SYT1: variants seen among roughly 807,000 people sequenced by gnomAD.
SYT1 encodes the protein synaptotagmin 1.
Under a neutral mutation model 44.8 loss-of-function variants are expected in SYT1, and 8 were observed. The ratio of observed to expected loss-of-function variants is 0.18; its 90% CI spans 0.10 to 0.32. The LOEUF is 0.32. SYT1 is among the 10% of genes least tolerant of loss of function. SYT1 has a pLI of 1.00. For synonymous variants in SYT1, 154 were observed against 188.8 expected, an observed-to-expected ratio of 0.82 and a Z score of 1.51; for missense variants, 286 against 509.3, an observed-to-expected ratio of 0.56 and a Z score of 4.22.
intron 9 of SYT1, among the ~76,000 whole-genome samples, chr12:79,405,537 A>G (rs967530012): frequency 6.6e-6 from 1 of 152,166 alleles, no homozygotes; most frequent in Non-Finnish European, 1.5e-5. Context: ...TTTGACAAAT[A>G]AACGTCTGAC....
At chr12:79,010,418 A>C (rs1871339959) in intron 2 of SYT1, among the ~76,000 whole-genome samples, 1 of 152,062 alleles carries the variant, frequency 6.6e-6, no homozygotes, top group Non-Finnish European at 1.5e-5. Context: ...ATGTTTCCTT[A>C]TGTGTTCACA....
intron 9 of SYT1, among the ~76,000 whole-genome samples, chr12:79,408,972 C>G (rs1565945608): frequency 6.6e-6 from 1 of 152,022 alleles, no homozygotes; most frequent in Non-Finnish European, 1.5e-5. Context: ...TCCTTTAAAA[C>G]TCAAGAAATG....
intron 8 of SYT1, among the ~76,000 whole-genome samples, chr12:79,317,196 C>T (rs2087812239): frequency 6.6e-6 from 1 of 152,144 alleles, no homozygotes; most frequent in South Asian, 2.1e-4. Context: ...GTGAACATCT[C>T]AGTATCTTTG....
At chr12:79,113,474 A>G (rs1879121252) in intron 3 of SYT1, among the ~76,000 whole-genome samples, 1 of 119,720 alleles carries the variant, frequency 8.4e-6, no homozygotes, top group Non-Finnish European at 1.9e-5. Flanking sequence ...GAAATGATCT[A>G]GAAAAAATTA....
intron 3 of SYT1, among the ~76,000 whole-genome samples, chr12:79,056,822 AT>A (rs1874983171): frequency 6.6e-6 from 1 of 152,018 alleles, no homozygotes. Context: ...ATTTTGCTGC[AT>A]TTTTCCCTCA....
At chr12:79,034,202 C>T (rs1371740099) in intron 2 of SYT1, among the ~76,000 whole-genome samples, 3 of 151,320 alleles carry the variant, frequency 2.0e-5, no homozygotes, top group African/African-American at 4.8e-5. Context: ...TTTGGAAAGC[C>T]CTTTTGTTTT....
At chr12:79,058,762 A>G (rs1032111855) in intron 3 of SYT1, among the ~76,000 whole-genome samples, 3 of 152,048 alleles carry the variant, frequency 2.0e-5, no homozygotes, top group Non-Finnish European at 2.9e-5. Context: ...GGGTGAAGAT[A>G]TTTGGAGACA....
intron 9 of SYT1, among the ~76,000 whole-genome samples, chr12:79,411,212 C>A (rs1295713604): frequency 2.6e-5 from 4 of 152,192 alleles, no homozygotes; most frequent in African/African-American, 4.8e-5. Flanking sequence ...ATATGGCTTT[C>A]ATGCCATGGA....
chr12:78,987,318 CA>C (rs978528398), intron 2 of SYT1, among the ~76,000 whole-genome samples: 1 of 151,894 alleles, frequency 6.6e-6, no homozygotes, highest in Non-Finnish European at 1.5e-5. Flanking sequence ...GTTTTCTAGA[CA>C]AAAAGATACA....
At chr12:79,309,960 G>A (rs1880685819) in intron 8 of SYT1, among the ~76,000 whole-genome samples, 1 of 151,920 alleles carries the variant, frequency 6.6e-6, no homozygotes, top group African/African-American at 2.4e-5. Context: ...CTCCCATTTT[G>A]TAGGTTGCCT....
chr12:79,249,516 G>A (rs1488659697), intron 4 of SYT1, among the ~76,000 whole-genome samples: 1 of 152,138 alleles, frequency 6.6e-6, no homozygotes, highest in Non-Finnish European at 1.5e-5. Flanking sequence ...TCTATGGAAG[G>A]ACTAGACTAG....
intron 3 of SYT1, among the ~76,000 whole-genome samples, chr12:79,179,530 TAGATA>T (rs1565842518): frequency 1.4e-4 from 20 of 139,900 alleles, no homozygotes; most frequent in African/African-American, 4.4e-4. Flanking sequence ...TATATAGATA[TAGATA>T]TAGATATAGA....
At chr12:78,902,678 T>C (rs754677155) in intron 1 of SYT1, among the ~76,000 whole-genome samples, 1 of 152,150 alleles carries the variant, frequency 6.6e-6, no homozygotes, top group Non-Finnish European at 1.5e-5. Context: ...TAAATAAATA[T>C]ACAAAATCAA....
intron 10 of SYT1, among the ~76,000 whole-genome samples, chr12:79,445,621 C>G (rs1423107311): frequency 6.6e-6 from 1 of 151,824 alleles, no homozygotes; most frequent in Non-Finnish European, 1.5e-5. Flanking sequence ...CCACAAATGA[C>G]AGGATTCATT....
At chr12:79,330,387 G>A (rs532657115) in intron 8 of SYT1, among the ~76,000 whole-genome samples, 10 of 152,246 alleles carry the variant, frequency 6.6e-5, no homozygotes, top group African/African-American at 2.4e-4. Flanking sequence ...GTATCGTACT[G>A]GCATGATGCT....
chr12:79,226,149 C>A (rs1315087057), intron 4 of SYT1, among the ~76,000 whole-genome samples: 1 of 87,182 alleles, frequency 1.1e-5, no homozygotes, highest in Non-Finnish European at 2.4e-5. Flanking sequence ...AATATGCTGA[C>A]AAATTTAAGC....
intron 8 of SYT1, among the ~76,000 whole-genome samples, chr12:79,321,291 C>A (rs1368067893): frequency 6.6e-6 from 1 of 152,148 alleles, no homozygotes. Context: ...TTTTAAAGTT[C>A]TGTTAAAGCA....
chr12:78,987,967 A>G (rs1301724186), intron 2 of SYT1, among the ~76,000 whole-genome samples: 1 of 152,112 alleles, frequency 6.6e-6, no homozygotes, highest in Non-Finnish European at 1.5e-5. Flanking sequence ...CTGTCAGGTG[A>G]AAAGGTAATG....
At chr12:79,286,986 T>C (rs1349892640) in intron 5 of SYT1, among the ~76,000 whole-genome samples, 1 of 152,184 alleles carries the variant, frequency 6.6e-6, no homozygotes, top group Admixed American at 6.5e-5. Context: ...AATCAAACTC[T>C]TAAACCTGAA....
Sources: gnomAD v4.1 joint callset for allele counts (sites outside exome capture counted in the v4.1 genomes callset) on GRCh38, gnomAD v4.1.1 for gene constraint, MANE v1.5 for transcripts, NCBI Gene and HGNC (gene_info 2026-07-23, HGNC 2026-07-21) for gene names.